The following TBC1D22A variants were observed in gnomAD, a reference collection of about 807,000 sequenced individuals.
TBC1D22A encodes putative GTPase activator.
Under a neutral mutation model 60.2 loss-of-function variants are expected in TBC1D22A, and 38 were observed. The observed-to-expected ratio is 0.63, with a 90% CI of 0.49 to 0.83. TBC1D22A has a LOEUF of 0.83. Ranked by LOEUF, TBC1D22A falls within the 40% of genes least tolerant of loss-of-function variation. The probability of loss-of-function intolerance (pLI) is 0.00; values close to 1 mark genes in which losing one functional copy is unlikely to be tolerated. For synonymous variants in TBC1D22A, 302 were observed against 281.7 expected (o/e 1.07, Z -0.72); for missense variants, 628 against 701.0 (o/e 0.90, Z 1.18).
chr22:47,111,874 G>C (rs756765696), intron 12 of TBC1D22A, among the ~76,000 whole-genome samples: 4 of 152,222 alleles, frequency 2.6e-5, no homozygotes, highest in Non-Finnish European at 5.9e-5. Context: ...CCCTGGGGCA[G>C]CGTGCCCCTC....
At chr22:46,905,557 G>C (rs1020238187) in intron 7 of TBC1D22A, among the ~76,000 whole-genome samples, 1 of 152,234 alleles carries the variant, frequency 6.6e-6, no homozygotes, top group Non-Finnish European at 1.5e-5. Context: ...AGGAGGGCAC[G>C]GGGTGGCCGC....
At chr22:46,803,586 A>AC (rs1005085342) in intron 4 of TBC1D22A, among the ~76,000 whole-genome samples, 6 of 152,200 alleles carry the variant, frequency 3.9e-5, no homozygotes, top group Non-Finnish European at 8.8e-5. Context: ...ACAGCAGGGC[A>AC]CGTTGGCCTT....
At chr22:47,109,006 A>T (rs2065745959) in intron 11 of TBC1D22A, among the ~76,000 whole-genome samples, 1 of 152,104 alleles carries the variant, frequency 6.6e-6, no homozygotes, top group African/African-American at 2.4e-5. Flanking sequence ...GAAATATATA[A>T]AGTTTATCGT....
chr22:47,136,521 A>T (rs990932200), intron 12 of TBC1D22A, among the ~76,000 whole-genome samples: 15 of 147,138 alleles, frequency 1.0e-4, no homozygotes, highest in Admixed American at 2.7e-4. Context: ...AGCCTTCCTG[A>T]GGGAGGCTTG....
At chr22:47,044,046 C>A (rs1569378471) in intron 11 of TBC1D22A, among the ~76,000 whole-genome samples, 1 of 88,072 alleles carries the variant, frequency 1.1e-5, no homozygotes, top group Non-Finnish European at 2.4e-5. Flanking sequence ...GCAGCCCAGG[C>A]AGCTGGGCAC....
chr22:47,058,943 A>G (rs544775783), intron 11 of TBC1D22A, among the ~76,000 whole-genome samples: 1 of 152,144 alleles, frequency 6.6e-6, no homozygotes. Context: ...CCCCTCCCTC[A>G]GTTGAGGGTG....
rs529654427 is a variant in TBC1D22A at position 47,171,244 on chromosome 22, G to C, written c.1426-2254G>C. On this transcript the variant is annotated intron_variant, in intron 12 of 12. Transcript: ENST00000337137. ...TTCCCCTCCATGCCAGTCTTGCTGG[G>C]CTGCGTTTTCTCGAGGCAGGCGACA... Among the ~76,000 whole-genome samples the C allele has an allele frequency of 2.0e-5, 3 of 152,342 alleles. No homozygotes were observed. In the South Asian group the frequency reaches 6.2e-4, roughly 32 times the overall value.
At chr22:47,100,466 A>ATGGTT (rs2065370238) in intron 11 of TBC1D22A, among the ~76,000 whole-genome samples, 1 of 152,070 alleles carries the variant, frequency 6.6e-6, no homozygotes, top group South Asian at 2.1e-4. Context: ...GACGGGTGAT[A>ATGGTT]TGGTTTGGCT....
In TBC1D22A at chr22:46,957,547, A is replaced by G. The variant is rs192217742; in HGVS notation, c.1016-16743A>G. 8.5e-5 allele frequency among the ~76,000 whole-genome samples: 13 copies of G among 152,348 alleles called. No homozygotes were observed. The East Asian group carries it at 1.2e-3, about 14-fold the overall frequency. Reference sequence around the variant, plus strand: ...ATGGGGGAGACTGCCCCCCGATTCAATCACCTCCCTCCCTGAACACGTGGG... The same window carrying G: ...ATGGGGGAGACTGCCCCCCGATTCAGTCACCTCCCTCCCTGAACACGTGGG... On this transcript the variant is annotated intron_variant, in intron 8 of 12. Coordinates refer to ENST00000337137, the MANE Select transcript of TBC1D22A (RefSeq NM_014346.5).
chr22:46,918,687 C>T (rs144713424), intron 8 of TBC1D22A, among the ~76,000 whole-genome samples: 192 of 152,262 alleles, frequency 1.3e-3, no homozygotes, highest in African/African-American at 4.4e-3. Context: ...TAGCGACCTG[C>T]CAAATCTGGC....
chr22:46,830,458 G>A (rs925606333), intron 4 of TBC1D22A, among the ~76,000 whole-genome samples: 2 of 152,248 alleles, frequency 1.3e-5, no homozygotes, highest in Admixed American at 1.3e-4. Flanking sequence ...GCTGTGAGCA[G>A]CTCTGTGTGT....
At chr22:47,131,656 A>G (rs1356235658) in intron 12 of TBC1D22A, among the ~76,000 whole-genome samples, 2 of 152,222 alleles carry the variant, frequency 1.3e-5, no homozygotes, top group Non-Finnish European at 2.9e-5. Flanking sequence ...TGTCAAGGCC[A>G]TTCCTGCTGA....
chr22:47,062,827 G>A (rs986629686), intron 11 of TBC1D22A, among the ~76,000 whole-genome samples: 3 of 152,166 alleles, frequency 2.0e-5, no homozygotes, highest in East Asian at 1.9e-4. Flanking sequence ...GGTTATCTAT[G>A]AGTGGTGGGT....
intron 8 of TBC1D22A, among the ~76,000 whole-genome samples, chr22:46,956,388 G>A (rs143348317): frequency 5.6e-4 from 85 of 152,284 alleles, no homozygotes; most frequent in Middle Eastern, 3.4e-3. Flanking sequence ...GATCGAGACC[G>A]TCCTGGCTAA....
chr22:46,794,354 CT>C (rs1465639220), intron 3 of TBC1D22A, among the ~76,000 whole-genome samples: 1 of 152,228 alleles, frequency 6.6e-6, no homozygotes, highest in Admixed American at 6.5e-5. Context: ...GGGAGTCTGA[CT>C]TTTGGGTCGG....
chr22:47,100,788 C>T (rs1037697049), intron 11 of TBC1D22A, among the ~76,000 whole-genome samples: 2 of 152,176 alleles, frequency 1.3e-5, no homozygotes, highest in Non-Finnish European at 1.5e-5. Context: ...TTATCAGCCA[C>T]GTGAAAACGG....
In TBC1D22A at chr22:46,819,531, G is replaced by A. The variant is rs553731273; in HGVS notation, c.637+21911G>A. Reference sequence around the variant, plus strand: ...TGTCATTGGTTCTGTTTATGTGATGGATTATGTTTATTGATTTGCATATGT... The same window carrying A: ...TGTCATTGGTTCTGTTTATGTGATGAATTATGTTTATTGATTTGCATATGT... On this transcript the variant is annotated intron_variant, in intron 4 of 12. Coordinates refer to ENST00000337137, the MANE Select transcript of TBC1D22A (RefSeq NM_014346.5). 5.9e-5 allele frequency among the ~76,000 whole-genome samples: 9 copies of A among 152,322 alleles called. No individual in the cohort carries two copies. The South Asian group carries it at 1.7e-3, about 28-fold the overall frequency.
chr22:46,967,390 C>T (rs932902990), intron 8 of TBC1D22A, among the ~76,000 whole-genome samples: 2 of 152,122 alleles, frequency 1.3e-5, no homozygotes, highest in African/African-American at 4.8e-5. Flanking sequence ...TTTAAAACTC[C>T]CAAGTTGGGA....
chr22:46,765,475 G>GT (rs969739667), intron 1 of TBC1D22A, among the ~76,000 whole-genome samples: 59 of 151,692 alleles, frequency 3.9e-4, no homozygotes, highest in African/African-American at 1.1e-3. Context: ...TTTTGTTTTT[G>GT]TTTTTTTTGA....
Sources: allele counts gnomAD v4.1 joint callset (sites outside exome capture counted in the v4.1 genomes callset), GRCh38; gene constraint gnomAD v4.1.1; transcripts MANE v1.5; gene names NCBI Gene and HGNC (gene_info 2026-07-23, HGNC 2026-07-21).